Variants in PCDHGA5 observed in about 807,000 individuals in gnomAD.
PCDHGA5 encodes protocadherin gamma subfamily A, 5.
A neutral mutation model predicts 56.7 loss-of-function variants in PCDHGA5; 36 were observed. That is an observed-to-expected ratio of 0.64 (90% CI 0.49 to 0.84). The LOEUF (loss-of-function observed/expected upper bound fraction) is 0.84. Ranked by LOEUF, PCDHGA5 falls within the 40% of genes least tolerant of loss-of-function variation. The probability of loss-of-function intolerance (pLI) is 0.00; values close to 1 mark genes in which losing one functional copy is unlikely to be tolerated. For missense variants in PCDHGA5, 1,305 were observed against 1,201.5 expected (o/e 1.09, Z -1.27); for synonymous variants, 563 against 520.2 (o/e 1.08, Z -1.12).
intron 1 of PCDHGA5, among the ~76,000 whole-genome samples, chr5:141,450,424 CTTTAA>C (rs2098679800): frequency 1.3e-5 from 2 of 152,146 alleles, no homozygotes; most frequent in East Asian, 3.9e-4. Context: ...TGTATAATGC[CTTTAA>C]TTTATATTTG....
rs115262984 is a variant in PCDHGA5 at position 141,463,089 on chromosome 5, C to T, written c.2422-31718C>T. ...AATGAAATTCAAACATTTTCCAGCC[C>T]TATGTGACCATCAAGAATTCAGCTA... On this transcript the variant is annotated intron_variant, in intron 1 of 3. Coordinates refer to ENST00000518069, the MANE Select transcript of PCDHGA5 (RefSeq NM_018918.3). Among the ~76,000 whole-genome samples the T allele has an allele frequency of 2.5e-3, 374 of 152,264 alleles. 2 individuals are homozygous for T. Among genetic ancestry groups the T allele is most frequent in the African/African-American group, 8.7e-3 (360 of 41,552 alleles).
chr5:141,413,965 C>G (rs2095696868), intron 1 of PCDHGA5: 2 of 1,613,292 alleles, frequency 1.2e-6, no homozygotes, highest in East Asian at 2.2e-5. Context: ...TGTGGGCACT[C>G]AGCTGCTGAC....
At chr5:141,393,747 T>C (rs1375394315) in intron 1 of PCDHGA5, 1 of 1,613,866 alleles carries the variant, frequency 6.2e-7, no homozygotes, top group Admixed American at 1.7e-5. Flanking sequence ...TTATGAAGAA[T>C]GTTCATTTTA....
intron 1 of PCDHGA5, chr5:141,390,918 T>G (rs997224874): frequency 5.2e-5 from 8 of 152,550 alleles, no homozygotes; most frequent in Non-Finnish European, 1.2e-4. Flanking sequence ...GAAAAAGGTC[T>G]ACTATGCTCA....
chr5:141,453,288 A>ATTAT (rs577328880), intron 1 of PCDHGA5, among the ~76,000 whole-genome samples: 1,792 of 151,444 alleles, frequency 0.012, 41 homozygotes, highest in African/African-American at 0.034. Context: ...TAATTTTTTA[A>ATTAT]TTATTTATTT....
chr5:141,400,371 C>A, intron 1 of PCDHGA5: 1 of 1,614,056 alleles, frequency 6.2e-7, no homozygotes, highest in South Asian at 1.1e-5. Flanking sequence ...CTTATTCCTA[C>A]AACCTATGTG....
At chr5:141,500,252 A>G (rs2099798400) in intron 2 of PCDHGA5, among the ~76,000 whole-genome samples, 1 of 151,094 alleles carries the variant, frequency 6.6e-6, no homozygotes, top group East Asian at 1.9e-4. Flanking sequence ...TCTGTCACCC[A>G]GGCTGGACTG....
chr5:141,410,115 C>T, intron 1 of PCDHGA5: 1 of 1,612,624 alleles, frequency 6.2e-7, no homozygotes. Context: ...AGGGACGCAG[C>T]CCGCCAGCGC....
intron 1 of PCDHGA5, among the ~76,000 whole-genome samples, chr5:141,492,927 G>C (rs925569925): frequency 6.6e-6 from 1 of 152,180 alleles, no homozygotes; most frequent in Non-Finnish European, 1.5e-5. Context: ...AGCGATCTAG[G>C]GTCAGAGATT....
intron 1 of PCDHGA5, chr5:141,391,383 G>T (rs1344096934): frequency 3.3e-5 from 5 of 150,356 alleles, no homozygotes; most frequent in African/African-American, 9.8e-5. Context: ...CACAATGATA[G>T]CTCCCTCCAG....
intron 1 of PCDHGA5, chr5:141,400,304 G>T: frequency 6.2e-7 from 1 of 1,614,048 alleles, no homozygotes; most frequent in African/African-American, 1.3e-5. Context: ...TTCCAACCTG[G>T]TCTCTGTGTC....
At chr5:141,414,460 A>G in intron 1 of PCDHGA5, 1 of 1,613,922 alleles carries the variant, frequency 6.2e-7, no homozygotes, top group Non-Finnish European at 8.5e-7. Context: ...AGTGACAGCC[A>G]CAGATGGGGG....
intron 1 of PCDHGA5, chr5:141,399,976 CTGCGCACAGGAGAGG>C: frequency 1.2e-6 from 2 of 1,612,242 alleles, no homozygotes; most frequent in Non-Finnish European, 8.5e-7. Context: ...CAGCCTGGGG[CTGCGCACAGGAGAGG>C]TGCGCACAGC....
chr5:141,376,633 G>T, intron 1 of PCDHGA5: 15 of 913,104 alleles, frequency 1.6e-5, no homozygotes, highest in East Asian at 3.6e-5. Flanking sequence ...GAAGATTCGT[G>T]ATTTTGTAAA....
At chr5:141,467,941 G>A (rs1173095290) in intron 1 of PCDHGA5, among the ~76,000 whole-genome samples, 4 of 151,984 alleles carry the variant, frequency 2.6e-5, no homozygotes, top group Admixed American at 2.6e-4. Context: ...TTACAAGCAT[G>A]AGCCACCACA....
chr5:141,415,758 T>TG, intron 1 of PCDHGA5: 1 of 1,381,742 alleles, frequency 7.2e-7, no homozygotes, highest in South Asian at 1.7e-5. Context: ...TTTTTTTTTT[T>TG]TTTTTTTTTT....
At chr5:141,386,934 T>C (rs568938502) in intron 1 of PCDHGA5, among the ~76,000 whole-genome samples, 1 of 152,316 alleles carries the variant, frequency 6.6e-6, no homozygotes, top group Non-Finnish European at 1.5e-5. Flanking sequence ...AGTGCAGAGG[T>C]AGGAAGCAGT....
At chr5:141,371,589 A>G in intron 1 of PCDHGA5, 1 of 1,613,602 alleles carries the variant, frequency 6.2e-7, no homozygotes, top group Non-Finnish European at 8.5e-7. Flanking sequence ...TCAAGATACC[A>G]AAAACACATA....
intron 1 of PCDHGA5, 102 bp from the exon 2 acceptor site, chr5:141,494,705 G>A (rs2099756254): frequency 1.3e-6 from 2 of 1,597,990 alleles, no homozygotes; most frequent in East Asian, 2.2e-5. Context: ...TTTCTTCTCT[G>A]TGCCCACTCC....
Sources: gnomAD v4.1 joint callset for allele counts (sites outside exome capture counted in the v4.1 genomes callset) on GRCh38, gnomAD v4.1.1 for gene constraint, MANE v1.5 for transcripts, NCBI Gene and HGNC (gene_info 2026-07-23, HGNC 2026-07-21) for gene names.